Variants in CCDC7 observed in about 807,000 individuals in gnomAD.
The protein encoded by CCDC7 is coiled-coil domain containing 7, also known as coiled-coil domain-containing protein 7.
Under a neutral mutation model 196.9 loss-of-function variants are expected in CCDC7, and 183 were observed. The ratio of observed to expected loss-of-function variants is 0.93; its 90% CI spans 0.82 to 1.05. CCDC7 has a LOEUF of 1.05. Among genes scored for constraint, CCDC7 ranks in the 50% least tolerant of loss-of-function variants. The pLI is 0.00. For synonymous variants in CCDC7, 525 were observed against 484.6 expected, an observed-to-expected ratio of 1.08 and a Z score of -1.10; for missense variants, 1,540 against 1,482.2, an observed-to-expected ratio of 1.04 and a Z score of -0.64.
chr10:32,772,763 C>G (rs995198693), intron 28 of CCDC7, among the ~76,000 whole-genome samples: 1 of 152,208 alleles, frequency 6.6e-6, no homozygotes, highest in African/African-American at 2.4e-5. Context: ...AGTTCCTGCA[C>G]TGGGTGAGAT....
chr10:32,595,865 C>G (rs1009965632), intron 18 of CCDC7, among the ~76,000 whole-genome samples: 4 of 152,198 alleles, frequency 2.6e-5, no homozygotes, highest in Admixed American at 6.5e-5. Flanking sequence ...GAGTGAGTTG[C>G]TTAATCCTGA....
intron 28 of CCDC7, among the ~76,000 whole-genome samples, chr10:32,767,400 G>T (rs375012135): frequency 6.6e-6 from 1 of 152,224 alleles, no homozygotes; most frequent in African/African-American, 2.4e-5. Flanking sequence ...TATAAAATGT[G>T]TTTTTCTAAA....
At chr10:32,755,504 T>A (rs1464502958) in intron 28 of CCDC7, among the ~76,000 whole-genome samples, 1 of 152,082 alleles carries the variant, frequency 6.6e-6, no homozygotes, top group African/African-American at 2.4e-5. Flanking sequence ...GCAGTGGACC[T>A]CAAGCAAACT....
At chr10:32,533,014 G>T (rs917449230) in intron 11 of CCDC7, among the ~76,000 whole-genome samples, 6 of 151,758 alleles carry the variant, frequency 4.0e-5, no homozygotes, top group African/African-American at 1.5e-4. Flanking sequence ...CCTGTTTTCT[G>T]ATTGTTTTGA....
chr10:32,642,413 A>G (rs1417303501), intron 20 of CCDC7, among the ~76,000 whole-genome samples: 1 of 152,182 alleles, frequency 6.6e-6, no homozygotes, highest in East Asian at 1.9e-4. Flanking sequence ...TGTGCTAGCA[A>G]TGAGCGAGGC....
At chr10:32,663,399 G>T (rs1041626647) in intron 20 of CCDC7, among the ~76,000 whole-genome samples, 1 of 152,098 alleles carries the variant, frequency 6.6e-6, no homozygotes, top group Non-Finnish European at 1.5e-5. Flanking sequence ...GCAAATTTTG[G>T]TCACCAACTA....
At chr10:32,609,993 G>A (rs2061926462) in intron 18 of CCDC7, among the ~76,000 whole-genome samples, 1 of 151,830 alleles carries the variant, frequency 6.6e-6, no homozygotes. Context: ...GATGGAGTGA[G>A]ATAGCATGAT....
chr10:32,444,644 C>T (rs553740907), upstream of CCDC7, among the ~76,000 whole-genome samples: 1 of 152,216 alleles, frequency 6.6e-6, no homozygotes, highest in East Asian at 1.9e-4. Context: ...CTTTCCTATC[C>T]CTTTCATTTA....
chr10:32,584,710 G>A (rs546819458), intron 18 of CCDC7, among the ~76,000 whole-genome samples: 5 of 122,276 alleles, frequency 4.1e-5, no homozygotes, highest in Middle Eastern at 6.5e-3. Context: ...CCGAGATCAC[G>A]CCACTGCACT....
intron 24 of CCDC7, among the ~76,000 whole-genome samples, chr10:32,696,551 T>C (rs1278143643): frequency 6.6e-6 from 1 of 151,922 alleles, no homozygotes; most frequent in East Asian, 1.9e-4. Flanking sequence ...CAAAATTCAA[T>C]GGTAGAAGAG....
At chr10:32,842,046 A>G (rs1167309121) in intron 33 of CCDC7, among the ~76,000 whole-genome samples, 1 of 152,132 alleles carries the variant, frequency 6.6e-6, no homozygotes, top group Non-Finnish European at 1.5e-5. Context: ...TTAAGCAAAG[A>G]CTTCATGACA....
chr10:32,745,222 T>C (rs1033592158), intron 28 of CCDC7, among the ~76,000 whole-genome samples: 1 of 152,234 alleles, frequency 6.6e-6, no homozygotes, highest in African/African-American at 2.4e-5. Context: ...CTACTGTAGC[T>C]AATAATAAGT....
chr10:32,586,513 A>G (rs1010949597), intron 18 of CCDC7, among the ~76,000 whole-genome samples: 2 of 152,152 alleles, frequency 1.3e-5, no homozygotes, highest in African/African-American at 2.4e-5. Flanking sequence ...TTTAGGTCCT[A>G]TGTTTAAGTC....
intron 11 of CCDC7, among the ~76,000 whole-genome samples, chr10:32,534,258 A>G (rs1266834672): frequency 6.6e-6 from 1 of 152,166 alleles, no homozygotes; most frequent in African/African-American, 2.4e-5. Context: ...GTTTTAAAAA[A>G]TTATTTTAAA....
chr10:32,451,604 T>G (rs773462288), upstream of CCDC7: 7 of 1,532,456 alleles, frequency 4.6e-6, no homozygotes, highest in Non-Finnish European at 6.1e-6. Flanking sequence ...AGGAATAAGT[T>G]TTTTTCATCT....
chr10:32,623,272 T>C (rs2063603847), intron 18 of CCDC7, among the ~76,000 whole-genome samples: 1 of 152,204 alleles, frequency 6.6e-6, no homozygotes, highest in African/African-American at 2.4e-5. Flanking sequence ...TTATAAAAAT[T>C]ATCCTATATG....
chr10:32,594,841 A>C (rs1233843161), intron 18 of CCDC7, among the ~76,000 whole-genome samples: 3 of 152,074 alleles, frequency 2.0e-5, no homozygotes, highest in Non-Finnish European at 4.4e-5. Context: ...TGTTTATATG[A>C]TGGATTACGT....
upstream of CCDC7, among the ~76,000 whole-genome samples, chr10:32,449,560 G>A (rs1564601120): frequency 6.6e-6 from 1 of 152,046 alleles, no homozygotes; most frequent in African/African-American, 2.4e-5. Flanking sequence ...ACCCCTGGGG[G>A]TGTCCCCTGT....
At chr10:32,479,943 T>C (rs2039669516) in intron 8 of CCDC7, among the ~76,000 whole-genome samples, 1 of 152,048 alleles carries the variant, frequency 6.6e-6, no homozygotes, top group African/African-American at 2.4e-5. Flanking sequence ...TGGTGGGTTG[T>C]ATGTGTCTAT....
Sources: allele counts gnomAD v4.1 joint callset (sites outside exome capture counted in the v4.1 genomes callset), GRCh38; gene constraint gnomAD v4.1.1; transcripts MANE v1.5; gene names NCBI Gene and HGNC (gene_info 2026-07-23, HGNC 2026-07-21).